The following NCAM1 variants were observed in gnomAD, a reference collection of about 807,000 sequenced individuals.
The protein encoded by NCAM1 is neural cell adhesion molecule 1.
NCAM1 carries 14 observed loss-of-function variants against 109.8 expected under a neutral mutation model. The ratio of observed to expected loss-of-function variants is 0.13; its 90% CI spans 0.08 to 0.20. The LOEUF (loss-of-function observed/expected upper bound fraction) is 0.20, where lower values mean the gene tolerates loss of function less well. Ranked by LOEUF, NCAM1 falls within the 10% of genes least tolerant of loss-of-function variation. The pLI is 1.00. For missense variants in NCAM1, 774 were observed against 1,109.9 expected, an observed-to-expected ratio of 0.70 and a Z score of 4.30; for synonymous variants, 418 against 442.9, an observed-to-expected ratio of 0.94 and a Z score of 0.70.
chr11:112,965,967 T>TA (rs1555065236), intron 1 of NCAM1, among the ~76,000 whole-genome samples: 1 of 152,148 alleles, frequency 6.6e-6, no homozygotes, highest in African/African-American at 2.4e-5. Flanking sequence ...AATCATAGAC[T>TA]AGGAGGAGAC....
chr11:113,151,786 A>G (rs1555102494), intron 1 of NCAM1, among the ~76,000 whole-genome samples: 1 of 152,224 alleles, frequency 6.6e-6, no homozygotes. Flanking sequence ...TTTGTTACTC[A>G]TCGGTTATAG....
chr11:113,231,416 TC>T, intron 9 of NCAM1: 1 of 1,034,982 alleles, frequency 9.7e-7, no homozygotes, highest in South Asian at 1.6e-5. Flanking sequence ...CATAACTGAG[TC>T]TCATTTTCTG....
chr11:113,033,558 A>G (rs1195372426), intron 1 of NCAM1, among the ~76,000 whole-genome samples: 6 of 152,218 alleles, frequency 3.9e-5, no homozygotes, highest in Admixed American at 1.3e-4. Context: ...CTACTATGCA[A>G]AGAGAATAGT....
intron 1 of NCAM1, among the ~76,000 whole-genome samples, chr11:113,098,468 T>TC (rs1939709415): frequency 6.6e-6 from 1 of 152,114 alleles, no homozygotes; most frequent in South Asian, 2.1e-4. Flanking sequence ...TATTATTTTT[T>TC]CAAATATATT....
chr11:113,196,991 G>A (rs1003074996), intron 1 of NCAM1, among the ~76,000 whole-genome samples: 1 of 152,174 alleles, frequency 6.6e-6, no homozygotes, highest in East Asian at 1.9e-4. Flanking sequence ...TACAATCATG[G>A]TGGAAGGGAA....
Position 113,088,503 on chromosome 11 carries a change from G to A in NCAM1, c.53-113876G>A, listed in dbSNP as rs58416671. 2.7e-3 allele frequency among the ~76,000 whole-genome samples: 404 copies of A among 150,514 alleles called. 1 individual carries two copies. Among genetic ancestry groups the A allele is most frequent in the African/African-American group, 9.3e-3 (377 of 40,640 alleles). On this transcript the variant is annotated intron_variant, in intron 1 of 19. Transcript: ENST00000316851. The stretch of plus-strand genomic sequence containing the variant: ...CCAAACTGACTGACCATGTATCCCC[G>A]CTGCCCCTGCCCCACTCAACCATTT...
At chr11:113,044,047 T>C (rs1217188509) in intron 1 of NCAM1, among the ~76,000 whole-genome samples, 1 of 151,924 alleles carries the variant, frequency 6.6e-6, no homozygotes, top group Non-Finnish European at 1.5e-5. Flanking sequence ...TCAATGTCAA[T>C]AACATCTGTT....
At chr11:113,070,319 G>C (rs1404317355) in intron 1 of NCAM1, among the ~76,000 whole-genome samples, 1 of 152,146 alleles carries the variant, frequency 6.6e-6, no homozygotes, top group Non-Finnish European at 1.5e-5. Flanking sequence ...TAGCAAGGTG[G>C]GGAGTGTAGA....
chr11:113,197,903 A>C (rs539540177), intron 1 of NCAM1, among the ~76,000 whole-genome samples: 2 of 152,308 alleles, frequency 1.3e-5, no homozygotes, highest in African/African-American at 2.4e-5. Flanking sequence ...ATTTTAATTC[A>C]CTTTTCTTCA....
intron 15 of NCAM1, among the ~76,000 whole-genome samples, chr11:113,248,953 C>A (rs1945580078): frequency 1.3e-5 from 2 of 152,194 alleles, no homozygotes; most frequent in Admixed American, 6.5e-5. Context: ...CCTCCAATGA[C>A]TCCACGGAGC....
Position 113,233,627 on chromosome 11 carries a change from A to G in NCAM1, c.1693+310A>G, listed in dbSNP as rs967920779. On this transcript the variant is annotated intron_variant, in intron 13 of 19. Transcript: ENST00000316851. This position sits in a 1 kb window ranked among gnomAD's most constrained non-coding sequence, Gnocchi z 4.5. ...GCCCATAGGTTCTGAGCATGGCCAG[A>G]TGAGTCTAATCCATCCTACTCTGCA... Among the ~76,000 whole-genome samples, 2 of 152,182 alleles carry G rather than the reference A, an allele frequency of 1.3e-5. No homozygotes were observed. Among genetic ancestry groups the G allele is most frequent in the Admixed American group, 6.5e-5 (1 of 15,280 alleles).
intron 1 of NCAM1, among the ~76,000 whole-genome samples, chr11:113,036,997 A>G (rs556132121): frequency 6.6e-6 from 1 of 152,180 alleles, no homozygotes; most frequent in African/African-American, 2.4e-5. Flanking sequence ...TTTCTTCTGT[A>G]CCCATGACTT....
chr11:113,230,669 ACCT>A (rs1252519343), intron 9 of NCAM1, among the ~76,000 whole-genome samples: 1 of 152,182 alleles, frequency 6.6e-6, no homozygotes, highest in African/African-American at 2.4e-5. Context: ...GCAGAATATA[ACCT>A]CCTGTCCATC....
rs1591287942 is a variant in NCAM1, at chr11:113,055,996, T to G, written c.52+94332T>G. 5.4e-5 allele frequency among the ~76,000 whole-genome samples: 6 copies of G among 110,354 alleles called. No individual in the cohort carries two copies. In the South Asian group the frequency reaches 1.1e-3, roughly 21 times the overall value. The allele number at this position is 110,354 out of a possible 152,430, so 72.4% of individuals were successfully genotyped here. Reference sequence around the variant, plus strand: ...AAAATGTGATATATATATATATATATATATATATATATATATATATATATA... The same window carrying G: ...AAAATGTGATATATATATATATATAGATATATATATATATATATATATATA... On this transcript the variant is annotated intron_variant, in intron 1 of 19. Transcript: ENST00000316851.
At chr11:113,151,097 C>A (rs782609073) in intron 1 of NCAM1, among the ~76,000 whole-genome samples, 3 of 152,192 alleles carry the variant, frequency 2.0e-5, no homozygotes, top group Non-Finnish European at 2.9e-5. Context: ...TTGTGCTCCT[C>A]AGTGGGACCT....
intron 1 of NCAM1, among the ~76,000 whole-genome samples, chr11:112,975,514 A>G (rs574802527): frequency 6.6e-6 from 1 of 152,162 alleles, no homozygotes; most frequent in African/African-American, 2.4e-5. Flanking sequence ...ATGTCAGAAA[A>G]TGATAAATAA....
intron 1 of NCAM1, among the ~76,000 whole-genome samples, chr11:113,136,520 G>T (rs1287977769): frequency 6.6e-6 from 1 of 152,208 alleles, no homozygotes; most frequent in Non-Finnish European, 1.5e-5. Flanking sequence ...TAGTTCCTGT[G>T]GGGTCTGGGT....
intron 1 of NCAM1, among the ~76,000 whole-genome samples, chr11:113,132,627 TG>T: frequency 6.6e-6 from 1 of 150,686 alleles, no homozygotes; most frequent in Non-Finnish European, 1.5e-5. Context: ...TGTGTGTGTG[TG>T]TGTGTGTGTG....
chr11:113,177,671 G>T (rs566685949), intron 1 of NCAM1, among the ~76,000 whole-genome samples: 1 of 152,224 alleles, frequency 6.6e-6, no homozygotes, highest in South Asian at 2.1e-4. Context: ...GACCTCAGGT[G>T]ATCCCCCCTG....
Sources: allele counts gnomAD v4.1 joint callset (sites outside exome capture counted in the v4.1 genomes callset), GRCh38; gene constraint gnomAD v4.1.1; non-coding constraint Gnocchi (gnomAD v3.1); transcripts MANE v1.5; gene names NCBI Gene and HGNC (gene_info 2026-07-23, HGNC 2026-07-21).